Variants in GPR39 observed in about 807,000 individuals in gnomAD.
GPR39 encodes zinc sensing receptor.
In GPR39, 23 loss-of-function variants were observed where a neutral mutation model predicts 18.4. The ratio of observed to expected loss-of-function variants is 1.25; its 90% CI spans 0.90 to 1.77. The LOEUF is 1.77. GPR39 is among the 40% of genes most tolerant of loss of function. GPR39 has a pLI of 0.00. For synonymous variants in GPR39, 280 were observed against 257.9 expected (o/e 1.09, Z -0.82); for missense variants, 647 against 602.4 (o/e 1.07, Z -0.78).
At chr2:132,545,906 G>A (rs1015202446) in intron 1 of GPR39, among the ~76,000 whole-genome samples, 1 of 152,146 alleles carries the variant, frequency 6.6e-6, no homozygotes, top group Non-Finnish European at 1.5e-5. Context: ...TAGTGTGGAG[G>A]ACCCACATAG....
intron 1 of GPR39, among the ~76,000 whole-genome samples, chr2:132,534,266 A>T (rs1679699865): frequency 1.3e-5 from 2 of 152,020 alleles, no homozygotes; most frequent in African/African-American, 4.8e-5. Flanking sequence ...CATCAGAGAA[A>T]TGCAAATCAA....
chr2:132,545,989 AT>A (rs1573658665), intron 1 of GPR39, among the ~76,000 whole-genome samples: 2 of 152,228 alleles, frequency 1.3e-5, no homozygotes, highest in East Asian at 3.9e-4. Context: ...GAGGTTTCAC[AT>A]TCAGTCTAGA....
chr2:132,548,552 G>A (rs1324504876), intron 1 of GPR39, among the ~76,000 whole-genome samples: 1 of 152,198 alleles, frequency 6.6e-6, no homozygotes, highest in Non-Finnish European at 1.5e-5. Flanking sequence ...AAACAATCAA[G>A]TGAAAGGAAT....
intron 1 of GPR39, chr2:132,489,232 C>T: frequency 5.2e-6 from 1 of 190,706 alleles, no homozygotes; most frequent in Non-Finnish European, 1.1e-5. Flanking sequence ...CTGTTTCTTA[C>T]GCTGAAATAT....
chr2:132,634,660 A>G (rs1429601498), intron 1 of GPR39, among the ~76,000 whole-genome samples: 2 of 152,166 alleles, frequency 1.3e-5, no homozygotes, highest in African/African-American at 4.8e-5. Context: ...TTATTTGTCT[A>G]CAAATTTCCT....
At chr2:132,423,000 G>C (rs1356437015) in intron 1 of GPR39, among the ~76,000 whole-genome samples, 1 of 151,968 alleles carries the variant, frequency 6.6e-6, no homozygotes, top group African/African-American at 2.4e-5. Context: ...AGCCATTTAC[G>C]AGTTGAGACA....
intron 1 of GPR39, among the ~76,000 whole-genome samples, chr2:132,524,866 T>C (rs996615793): frequency 6.6e-6 from 1 of 152,232 alleles, no homozygotes; most frequent in Non-Finnish European, 1.5e-5. Context: ...CTAGTGAAGT[T>C]ATTACAAGTA....
intron 1 of GPR39, among the ~76,000 whole-genome samples, chr2:132,570,479 T>C (rs1680423681): frequency 2.0e-5 from 3 of 152,228 alleles, no homozygotes. Flanking sequence ...TCAGGAGTCT[T>C]GCTGATCAGT....
At chr2:132,578,842 T>C (rs950287472) in intron 1 of GPR39, among the ~76,000 whole-genome samples, 6 of 152,154 alleles carry the variant, frequency 3.9e-5, no homozygotes, top group African/African-American at 1.4e-4. Flanking sequence ...CATGTTTCAC[T>C]TGTGATATTA....
At chr2:132,517,294 G>T (rs1031077829) in intron 1 of GPR39, among the ~76,000 whole-genome samples, 22 of 152,066 alleles carry the variant, frequency 1.4e-4, no homozygotes, top group Admixed American at 1.4e-3. Flanking sequence ...TTGCCATTTT[G>T]GGGGAGGTTA....
At chr2:132,617,233 T>C (rs1331338892) in intron 1 of GPR39, among the ~76,000 whole-genome samples, 1 of 152,282 alleles carries the variant, frequency 6.6e-6, no homozygotes, top group East Asian at 1.9e-4. Flanking sequence ...GCACTTTTTT[T>C]TTTTTGGCTT....
Position 132,416,993 on chromosome 2 carries a change from A to G in GPR39, c.-50A>G. 1 of 1,584,864 alleles carries G rather than the reference A, an allele frequency of 6.3e-7. No homozygotes were observed. Among genetic ancestry groups the G allele is most frequent in the Non-Finnish European group, 8.6e-7 (1 of 1,164,564 alleles). ...GAATTTTGGACGCTGCTGGGAGGAG[A>G]AAGGGAAGTTGAGAAAGTCTTTGGA... On this transcript the variant is annotated 5_prime_UTR_variant, in exon 1 of 2. Transcript: ENST00000329321.
intron 1 of GPR39, among the ~76,000 whole-genome samples, chr2:132,455,948 A>C (rs1264923451): frequency 6.6e-6 from 1 of 152,176 alleles, no homozygotes; most frequent in Non-Finnish European, 1.5e-5. Flanking sequence ...AGAAGAATGT[A>C]TATTCTGTTT....
At chr2:132,631,377 T>C (rs924256911) in intron 1 of GPR39, among the ~76,000 whole-genome samples, 6 of 152,196 alleles carry the variant, frequency 3.9e-5, no homozygotes, top group African/African-American at 1.4e-4. Flanking sequence ...CAGGAGGGAT[T>C]TATTCTTATC....
At chr2:132,429,942 C>CT (rs1462917013) in intron 1 of GPR39, among the ~76,000 whole-genome samples, 1 of 152,148 alleles carries the variant, frequency 6.6e-6, no homozygotes, top group African/African-American at 2.4e-5. Context: ...GAAAAGTAGA[C>CT]TGAGTTAAAT....
At chr2:132,615,850 G>A (rs1370720792) in intron 1 of GPR39, among the ~76,000 whole-genome samples, 1 of 151,884 alleles carries the variant, frequency 6.6e-6, no homozygotes, top group African/African-American at 2.4e-5. Context: ...CTCAGGTGTT[G>A]ATCCTGCACT....
intron 1 of GPR39, among the ~76,000 whole-genome samples, chr2:132,461,013 G>A: frequency 6.6e-6 from 1 of 152,320 alleles, no homozygotes; most frequent in South Asian, 2.1e-4. Context: ...AACCTGTGCT[G>A]GGTTTGGAGA....
intron 1 of GPR39, among the ~76,000 whole-genome samples, chr2:132,511,883 G>GCTCTCTGACTC (rs11267146): frequency 2.6e-5 from 4 of 152,016 alleles, no homozygotes; most frequent in African/African-American, 4.8e-5. Context: ...TCAAGTCCAG[G>GCTCTCTGACTC]CAGACTCTAT....
chr2:132,607,512 T>C (rs944683056), intron 1 of GPR39, among the ~76,000 whole-genome samples: 2 of 152,128 alleles, frequency 1.3e-5, no homozygotes, highest in Non-Finnish European at 2.9e-5. Flanking sequence ...CCCTTTGAAA[T>C]TGATGCTTGT....
Sources: allele counts gnomAD v4.1 joint callset (sites outside exome capture counted in the v4.1 genomes callset), GRCh38; gene constraint gnomAD v4.1.1; transcripts MANE v1.5; gene names NCBI Gene and HGNC (gene_info 2026-07-23, HGNC 2026-07-21).